Variants in TMEM150C observed in about 807,000 individuals in gnomAD.
TMEM150C encodes the protein tentonin 3.
In TMEM150C, 10 loss-of-function variants were observed where a neutral mutation model predicts 29.9. The observed-to-expected ratio is 0.33, with a 90% CI of 0.21 to 0.57. The LOEUF (loss-of-function observed/expected upper bound fraction) is 0.57. TMEM150C is among the 20% of genes least tolerant of loss of function. TMEM150C has a pLI of 0.88. For missense variants in TMEM150C, 251 were observed against 303.6 expected, an observed-to-expected ratio of 0.83 and a Z score of 1.29; for synonymous variants, 101 against 112.5, an observed-to-expected ratio of 0.90 and a Z score of 0.64.
At chr4:82,498,885 A>G (rs1261709976) in intron 5 of TMEM150C, among the ~76,000 whole-genome samples, 1 of 151,900 alleles carries the variant, frequency 6.6e-6, no homozygotes, top group Non-Finnish European at 1.5e-5. Flanking sequence ...TCATCTTATC[A>G]TGAACAAATT....
intron 1 of TMEM150C, among the ~76,000 whole-genome samples, chr4:82,517,879 TCAGA>T (rs2110077019): frequency 6.6e-6 from 1 of 152,328 alleles, no homozygotes; most frequent in East Asian, 1.9e-4. Context: ...TATACAGTCA[TCAGA>T]CAAAGTGGCT....
chr4:82,485,790 CAG>C (rs931958270), intron 7 of TMEM150C, 71 bp from the exon 8 acceptor site: 23 of 1,398,556 alleles, frequency 1.6e-5, no homozygotes, highest in Non-Finnish European at 2.1e-5. Flanking sequence ...AGGGCAGAGA[CAG>C]ATTATAGGAA....
chr4:82,509,938 T>C (rs1724066898), intron 1 of TMEM150C, among the ~76,000 whole-genome samples: 1 of 152,216 alleles, frequency 6.6e-6, no homozygotes, highest in African/African-American at 2.4e-5. Flanking sequence ...AGCATACCAT[T>C]ACCCATGCTA....
intron 5 of TMEM150C, among the ~76,000 whole-genome samples, chr4:82,498,985 C>T (rs994027022): frequency 6.6e-6 from 1 of 152,188 alleles, no homozygotes; most frequent in African/African-American, 2.4e-5. Flanking sequence ...AAACACCACA[C>T]TTTGCCCTTT....
rs1723059278 is a variant in TMEM150C at position 82,483,480 on chromosome 4, T to G, written c.*2031A>C. On this transcript the variant is annotated 3_prime_UTR_variant, in exon 8 of 8. Transcript: ENST00000449862. ...TGACAGGAGAATCTTGTTCTCAGCT[T>G]GTTCTTTTCCTCACATTTTACTTAC... 1 of 152,208 alleles carries G rather than the reference T, an allele frequency of 6.6e-6. No homozygotes were observed. The highest frequency in any genetic ancestry group is 2.4e-5 in the African/African-American group (1 of 41,448). The allele number at this position is 152,208 out of a possible 1,614,324, so 9.4% of individuals were successfully genotyped here.
At chr4:82,496,249 T>C (rs1723554859) in intron 5 of TMEM150C, 54 bp from the exon 6 acceptor site, 1 of 1,502,520 alleles carries the variant, frequency 6.7e-7, no homozygotes, top group African/African-American at 1.4e-5. Context: ...ACACCTAGAC[T>C]GTGAGGCAGA....
rs1480839168 is a variant in TMEM150C, at chr4:82,484,107, T to TATTA, written c.*1400_*1403dup. 6.6e-6 allele frequency: 1 copy of TATTA among 152,108 alleles called. No individual in the cohort carries two copies. Among genetic ancestry groups the TATTA allele is most frequent in the African/African-American group, 2.4e-5 (1 of 41,428 alleles). 9.4% of individuals were successfully genotyped at this position (152,108 alleles called of 1,614,324 possible). A position where few individuals can be genotyped will look rare whatever the true frequency, so the allele number is the denominator to read the frequency against. On this transcript the variant is annotated 3_prime_UTR_variant, in exon 8 of 8. Coordinates refer to ENST00000449862, the MANE Select transcript of TMEM150C (RefSeq NM_001080506.3). The stretch of plus-strand genomic sequence containing the variant: ...CACCCAGCCTAAAAAATGTTTTTCA[T>TATTA]ATTATATTCCAGGTAATCCCAGACC...
chr4:82,495,671 G>T, intron 6 of TMEM150C: 1 of 292,748 alleles, frequency 3.4e-6, no homozygotes, highest in South Asian at 3.8e-5. Flanking sequence ...GCATGGCCAT[G>T]GGTCAAGATA....
intron 1 of TMEM150C, among the ~76,000 whole-genome samples, chr4:82,539,240 TA>T (rs1253166911): frequency 6.6e-6 from 1 of 152,180 alleles, no homozygotes; most frequent in African/African-American, 2.4e-5. Context: ...GCTTTCCTAT[TA>T]AACAAAATTA....
chr4:82,500,969 TGCC>T (rs1343422067), intron 5 of TMEM150C, among the ~76,000 whole-genome samples: 1 of 152,228 alleles, frequency 6.6e-6, no homozygotes, highest in African/African-American at 2.4e-5. Context: ...TAATCGTTGT[TGCC>T]CCCTGTGGGA....
In TMEM150C at chr4:82,491,094, A is replaced by G; in HGVS notation, c.364-856T>C. On this transcript the variant is annotated intron_variant, in intron 6 of 7. Coordinates refer to ENST00000449862, the MANE Select transcript of TMEM150C (RefSeq NM_001080506.3). ...CTTGATAATGCAGCAAGAGACCCCC[A>G]TTTTACGACACAGGGCAGGCAGGAA... 3 of 706,036 alleles carry G rather than the reference A, an allele frequency of 4.2e-6. No homozygotes were observed. The East Asian group carries it at 7.8e-5, about 18-fold the overall frequency. The allele number at this position is 706,036 out of a possible 1,614,324, so 43.7% of individuals were successfully genotyped here. A position where few individuals can be genotyped will look rare whatever the true frequency, so the allele number is the denominator to read the frequency against.
chr4:82,558,468 G>A (rs1348740232), intron 1 of TMEM150C, among the ~76,000 whole-genome samples: 1 of 152,148 alleles, frequency 6.6e-6, no homozygotes, highest in East Asian at 1.9e-4. Context: ...TACCAAAGCT[G>A]GTTTGACTCA....
At chr4:82,545,462 C>T (rs781310852) in intron 1 of TMEM150C, among the ~76,000 whole-genome samples, 19 of 152,254 alleles carry the variant, frequency 1.2e-4, no homozygotes, top group African/African-American at 2.2e-4. Context: ...AACCTGGAAG[C>T]GTTCCCCTTG....
intron 1 of TMEM150C, among the ~76,000 whole-genome samples, chr4:82,526,370 G>C (rs988965627): frequency 1.3e-5 from 2 of 152,150 alleles, no homozygotes; most frequent in East Asian, 1.9e-4. Flanking sequence ...CAGGTACTTT[G>C]AATGGTCAAA....
At chr4:82,516,856 T>C (rs76612229) in intron 1 of TMEM150C, among the ~76,000 whole-genome samples, 10,905 of 152,254 alleles carry the variant, frequency 0.072, 463 homozygotes, top group African/African-American at 0.11. Flanking sequence ...ACAAAACACA[T>C]GTGAAATATA....
intron 1 of TMEM150C, among the ~76,000 whole-genome samples, chr4:82,506,185 C>G (rs972351908): frequency 2.6e-5 from 4 of 152,138 alleles, no homozygotes; most frequent in African/African-American, 9.7e-5. Context: ...CTTTCATATG[C>G]TGGGACTCTC....
chr4:82,503,284 T>C (rs2110069419), intron 2 of TMEM150C, among the ~76,000 whole-genome samples, 172 bp from the exon 3 acceptor site: 1 of 152,352 alleles, frequency 6.6e-6, no homozygotes, highest in South Asian at 2.1e-4. Flanking sequence ...TCAAATGTCA[T>C]TATTAGTAAT....
chr4:82,528,775 T>C (rs1724739209), intron 1 of TMEM150C, among the ~76,000 whole-genome samples: 2 of 152,190 alleles, frequency 1.3e-5, no homozygotes, highest in South Asian at 2.1e-4. Flanking sequence ...TTTGTATTTT[T>C]AGTAAAGACG....
At chr4:82,496,692 GA>G (rs1396732898) in intron 5 of TMEM150C, among the ~76,000 whole-genome samples, 3 of 152,182 alleles carry the variant, frequency 2.0e-5, no homozygotes, top group Non-Finnish European at 4.4e-5. Flanking sequence ...GATAGGGCAG[GA>G]ACATAATGGG....
Sources: gnomAD v4.1 joint callset for allele counts (sites outside exome capture counted in the v4.1 genomes callset) on GRCh38, gnomAD v4.1.1 for gene constraint, MANE v1.5 for transcripts, NCBI Gene and HGNC (gene_info 2026-07-23, HGNC 2026-07-21) for gene names.